ROBO2: variants seen among roughly 807,000 people sequenced by gnomAD.
The protein encoded by ROBO2 is roundabout homolog 2.
In ROBO2, 53 loss-of-function variants were observed where a neutral mutation model predicts 160.8. That is an observed-to-expected ratio of 0.33 (90% CI 0.26 to 0.41). The LOEUF (loss-of-function observed/expected upper bound fraction) is 0.41, where lower values mean the gene tolerates loss of function less well. Among genes scored for constraint, ROBO2 ranks in the 10% least tolerant of loss-of-function variants. The pLI is 1.00. For missense variants in ROBO2, 1,577 were observed against 1,722.4 expected (o/e 0.92, Z 1.49); for synonymous variants, 664 against 611.7 (o/e 1.09, Z -1.26).
chr3:77,105,007 G>C (rs1414123120), intron 2 of ROBO2, among the ~76,000 whole-genome samples: 2 of 152,236 alleles, frequency 1.3e-5, no homozygotes, highest in East Asian at 1.9e-4. Flanking sequence ...TGTTCTGAAA[G>C]CTGGCAATTT....
intron 2 of ROBO2, among the ~76,000 whole-genome samples, chr3:76,692,484 T>A (rs7630682): frequency 0.21 from 31,694 of 152,002 alleles, 5,503 homozygotes; most frequent in African/African-American, 0.47. Flanking sequence ...CTAAAGAGCA[T>A]GTTTTCTATT....
chr3:77,328,692 G>A (rs1309711259), intron 2 of ROBO2, among the ~76,000 whole-genome samples: 3 of 152,000 alleles, frequency 2.0e-5, no homozygotes, highest in African/African-American at 7.3e-5. Flanking sequence ...ACATTGCATT[G>A]CCCCTGTTAA....
intron 1 of ROBO2, among the ~76,000 whole-genome samples, chr3:77,061,197 C>T (rs1234521391): frequency 6.6e-6 from 1 of 152,124 alleles, no homozygotes; most frequent in African/African-American, 2.4e-5. Flanking sequence ...CATGTACATA[C>T]AGACGGAAGC....
At chr3:76,724,329 T>C (rs980445189) in intron 2 of ROBO2, among the ~76,000 whole-genome samples, 1 of 152,122 alleles carries the variant, frequency 6.6e-6, no homozygotes, top group Non-Finnish European at 1.5e-5. Flanking sequence ...TTCAATCAAA[T>C]ATGTTCAACA....
chr3:77,544,760 T>C (rs987484006), intron 6 of ROBO2, among the ~76,000 whole-genome samples: 2 of 152,010 alleles, frequency 1.3e-5, no homozygotes, highest in Non-Finnish European at 2.9e-5. Flanking sequence ...AAAATTAGAG[T>C]TGATTTTAAA....
intron 24 of ROBO2, among the ~76,000 whole-genome samples, chr3:77,637,204 C>G (rs1330070625): frequency 6.6e-6 from 1 of 152,202 alleles, no homozygotes; most frequent in Non-Finnish European, 1.5e-5. Context: ...TAAAGTATAA[C>G]TACCTTAGAG....
intron 2 of ROBO2, among the ~76,000 whole-genome samples, chr3:77,017,919 T>C (rs1319188103): frequency 1.3e-5 from 2 of 152,240 alleles, no homozygotes; most frequent in East Asian, 3.9e-4. Context: ...CCTTGAACAG[T>C]AGGATGTAAA....
chr3:76,514,284 T>A (rs1577792949), intron 2 of ROBO2, among the ~76,000 whole-genome samples: 1 of 152,266 alleles, frequency 6.6e-6, no homozygotes, highest in East Asian at 1.9e-4. Context: ...CCCCCCATGT[T>A]ACATGTAGTC....
intron 2 of ROBO2, among the ~76,000 whole-genome samples, chr3:76,886,812 G>A (rs1265129259): frequency 6.6e-6 from 1 of 152,106 alleles, no homozygotes; most frequent in Non-Finnish European, 1.5e-5. Flanking sequence ...AGAAGACTAA[G>A]TCTGAGCTAT....
intron 2 of ROBO2, chr3:76,434,697 C>A: frequency 1.8e-6 from 2 of 1,092,162 alleles, no homozygotes; most frequent in African/African-American, 1.5e-5. Flanking sequence ...CCTCCCCGTT[C>A]ACCAGGCAGG....
intron 17 of ROBO2, among the ~76,000 whole-genome samples, chr3:77,591,779 T>C (rs2094186047): frequency 6.6e-6 from 1 of 152,180 alleles, no homozygotes; most frequent in South Asian, 2.1e-4. Context: ...AGAGCAAGAT[T>C]GTCTGACCAC....
intron 2 of ROBO2, among the ~76,000 whole-genome samples, chr3:76,731,527 C>A (rs1448560179): frequency 6.6e-6 from 1 of 151,840 alleles, no homozygotes; most frequent in Non-Finnish European, 1.5e-5. Flanking sequence ...TAAAGGAATA[C>A]AGTCTTAGTT....
At chr3:76,415,224 A>G (rs1209841484) in intron 2 of ROBO2, among the ~76,000 whole-genome samples, 1 of 152,166 alleles carries the variant, frequency 6.6e-6, no homozygotes, top group African/African-American at 2.4e-5. Context: ...GGGTCCCCAT[A>G]TTGACAGTTC....
intron 2 of ROBO2, among the ~76,000 whole-genome samples, chr3:76,189,058 G>T (rs2107163702): frequency 6.6e-6 from 1 of 152,188 alleles, no homozygotes; most frequent in East Asian, 1.9e-4. Context: ...ACACATCATA[G>T]GAATAAACAC....
intron 2 of ROBO2, among the ~76,000 whole-genome samples, chr3:76,591,295 T>A (rs1185300480): frequency 1.3e-5 from 2 of 152,148 alleles, no homozygotes; most frequent in Non-Finnish European, 2.9e-5. Flanking sequence ...GACTTCCTCC[T>A]CCCTTGAGTA....
chr3:77,595,939 C>T (rs2094292798), intron 18 of ROBO2, among the ~76,000 whole-genome samples: 1 of 151,952 alleles, frequency 6.6e-6, no homozygotes, highest in Non-Finnish European at 1.5e-5. Context: ...GGAAAGGAAT[C>T]AGAATCTCAT....
At chr3:77,490,005 T>A (rs182675004) in intron 4 of ROBO2, among the ~76,000 whole-genome samples, 80 of 152,306 alleles carry the variant, frequency 5.3e-4, no homozygotes, top group African/African-American at 1.7e-3. Context: ...CTTTGGTTCT[T>A]CTTCAGGGCT....
intron 2 of ROBO2, among the ~76,000 whole-genome samples, chr3:76,764,657 A>C (rs1687855208): frequency 6.6e-6 from 1 of 151,566 alleles, no homozygotes; most frequent in Non-Finnish European, 1.5e-5. Context: ...TGCCATCTCA[A>C]ATGCTTTCAG....
At chr3:76,208,457 C>G (rs1357011002) in intron 2 of ROBO2, among the ~76,000 whole-genome samples, 1 of 152,068 alleles carries the variant, frequency 6.6e-6, no homozygotes, top group Non-Finnish European at 1.5e-5. Flanking sequence ...CTATGTATCC[C>G]AGTTAATAAT....
Sources: gnomAD v4.1 joint callset for allele counts (sites outside exome capture counted in the v4.1 genomes callset) on GRCh38, gnomAD v4.1.1 for gene constraint, MANE v1.5 for transcripts, NCBI Gene and HGNC (gene_info 2026-07-23, HGNC 2026-07-21) for gene names.